TULP3: variants seen among roughly 807,000 people sequenced by gnomAD.
The protein encoded by TULP3 is TUB like protein 3.
Under a neutral mutation model 50.7 loss-of-function variants are expected in TULP3, and 38 were observed. That is an observed-to-expected ratio of 0.75 (90% CI 0.58 to 0.98). The LOEUF is 0.98. Ranked by LOEUF, TULP3 falls within the 50% of genes least tolerant of loss-of-function variation. TULP3 has a pLI of 0.00. For missense variants in TULP3, 550 were observed against 568.0 expected (o/e 0.97, Z 0.32); for synonymous variants, 183 against 196.6 (o/e 0.93, Z 0.58).
At chr12:2,917,689 A>G (rs1047646283) in intron 2 of TULP3, among the ~76,000 whole-genome samples, 12 of 151,956 alleles carry the variant, frequency 7.9e-5, no homozygotes, top group East Asian at 3.9e-4. Context: ...CATCCTGGCC[A>G]ACACGGTGAA....
chr12:2,932,205 T>C (rs907301283), intron 6 of TULP3, among the ~76,000 whole-genome samples: 12 of 152,130 alleles, frequency 7.9e-5, no homozygotes, highest in African/African-American at 2.9e-4. Context: ...CTTCTTGCCC[T>C]TTGCCTAATC....
At chr12:2,907,286 G>T (rs2098182846) in intron 1 of TULP3, among the ~76,000 whole-genome samples, 1 of 152,034 alleles carries the variant, frequency 6.6e-6, no homozygotes. Flanking sequence ...AGACCATCCT[G>T]TCTGACTGGT....
At chr12:2,892,082 T>TA (rs58111941) in intron 1 of TULP3, among the ~76,000 whole-genome samples, 70,852 of 149,320 alleles carry the variant, frequency 0.47, 17,051 homozygotes, top group African/African-American at 0.59. Context: ...CCTGTCACCT[T>TA]AAAAAAAAAA....
chr12:2,929,491 T>C lies in TULP3; in HGVS notation c.395-757T>C, dbSNP rs184715111. 1.1e-3 allele frequency among the ~76,000 whole-genome samples: 174 copies of C among 152,292 alleles called. 1 individual carries two copies. The highest frequency in any genetic ancestry group is 3.6e-3 in the African/African-American group (151 of 41,584). On this transcript the variant is annotated intron_variant, in intron 4 of 10. Coordinates refer to ENST00000448120, the MANE Select transcript of TULP3 (RefSeq NM_003324.5). Reference sequence around the variant, plus strand: ...CAGCTAATTTTTTTAAAAAAACTTTTTATGGAGACAGGTCTCAAACTGGTG... The same window carrying C: ...CAGCTAATTTTTTTAAAAAAACTTTCTATGGAGACAGGTCTCAAACTGGTG...
At chr12:2,906,592 G>A (rs567282117) in intron 1 of TULP3, among the ~76,000 whole-genome samples, 4 of 151,388 alleles carry the variant, frequency 2.6e-5, no homozygotes, top group Admixed American at 1.3e-4. Context: ...GCCTCCCAAA[G>A]TTCTGGGATT....
rs771074689 is a variant in TULP3 at position 2,937,200 on chromosome 12, A to ATTTTTTTTTTTT, written c.925-411_925-400dup. On this transcript the variant is annotated intron_variant, in intron 8 of 10. Transcript: ENST00000448120. ...AATAAAATTATTTTTGGTACACCTGATTTTTTTTTTTTTTTTTTTTTTTTT... is the reference window on the plus strand; with the variant it reads ...AATAAAATTATTTTTGGTACACCTGATTTTTTTTTTTTTTTTTTTTTTTTTTTTTTTTTTTTT... Among the ~76,000 whole-genome samples the ATTTTTTTTTTTT allele has an allele frequency of 9.2e-5, 5 of 54,466 alleles. 1 individual carries two copies. The highest frequency in any genetic ancestry group is 2.2e-4 in the African/African-American group (3 of 13,456). 35.7% of individuals were successfully genotyped at this position (54,466 alleles called of 152,430 possible).
chr12:2,933,321 C>G (rs889309870), intron 6 of TULP3, 97 bp from the exon 7 acceptor site: 3 of 732,632 alleles, frequency 4.1e-6, no homozygotes, highest in Non-Finnish European at 7.2e-6. Context: ...TGAGGACTTG[C>G]TAAGCACTGG....
chr12:2,938,808 A>T (rs1339120227), intron 10 of TULP3, among the ~76,000 whole-genome samples: 1 of 152,034 alleles, frequency 6.6e-6, no homozygotes, highest in East Asian at 1.9e-4. Context: ...CAGAGAAGTC[A>T]TAGAGTAGGT....
intron 4 of TULP3, among the ~76,000 whole-genome samples, chr12:2,926,126 G>A (rs1313932847): frequency 6.6e-6 from 1 of 152,174 alleles, no homozygotes; most frequent in Non-Finnish European, 1.5e-5. Context: ...GTATTAAAAT[G>A]GCATTTGAAA....
rs1342449410 is a variant in TULP3, at chr12:2,891,106, A to G, written c.41+118A>G. 55 of 1,235,254 alleles carry G rather than the reference A, an allele frequency of 4.5e-5. No individual in the cohort carries two copies. In the South Asian group the frequency reaches 8.4e-4, roughly 19 times the overall value. The allele number at this position is 1,235,254 out of a possible 1,614,324, so 76.5% of individuals were successfully genotyped here. A position where few individuals can be genotyped will look rare whatever the true frequency, so the allele number is the denominator to read the frequency against. Reference sequence around the variant, plus strand: ...GGCGGGACTCGGGACTTGGCGACTCAGGGAGGGACTGGTTTCGGCGGCGGG... The same window carrying G: ...GGCGGGACTCGGGACTTGGCGACTCGGGGAGGGACTGGTTTCGGCGGCGGG... On this transcript the variant is annotated intron_variant, in intron 1 of 10. Transcript: ENST00000448120.
Position 2,909,526 on chromosome 12 carries a change from CAG to C in TULP3, c.42-2_42-1del, listed in dbSNP as rs772439955. On this transcript the variant is annotated splice_acceptor_variant, in intron 1 of 10. Transcript: ENST00000448120. LOFTEE classifies it high-confidence loss of function. ...CTTGCTTTATTTTTTTTTTTTTTAACAGTGTCTTCCATGAAGAAATGATGAAG... is the reference window on the plus strand; with the variant it reads ...CTTGCTTTATTTTTTTTTTTTTTAACTGTCTTCCATGAAGAAATGATGAAG... 2 of 1,557,148 alleles carry C rather than the reference CAG, an allele frequency of 1.3e-6. No homozygotes were observed. The highest frequency in any genetic ancestry group is 1.7e-6 in the Non-Finnish European group (2 of 1,159,004).
rs71057864 is a variant in TULP3 at position 2,927,366 on chromosome 12, A to ATTTTTTTTT, written c.395-2872_395-2864dup. ...GGACCTATGTTTTCAGTTGAGACTG[A>ATTTTTTTTT]TTTTTTTTTTTTTTTTTTGAGACCA... is the stretch of plus-strand genomic sequence containing the variant. On this transcript the variant is annotated intron_variant, in intron 4 of 10. Coordinates refer to ENST00000448120, the MANE Select transcript of TULP3 (RefSeq NM_003324.5). Among the ~76,000 whole-genome samples, 144 of 105,154 alleles carry ATTTTTTTTT rather than the reference A, an allele frequency of 1.4e-3. 17 individuals are homozygous for ATTTTTTTTT. The highest frequency in any genetic ancestry group is 4.6e-3 in the African/African-American group (119 of 25,738). 69.0% of individuals were successfully genotyped at this position (105,154 alleles called of 152,430 possible).
chr12:2,928,540 A>T (rs909986233), intron 4 of TULP3, among the ~76,000 whole-genome samples: 5 of 151,512 alleles, frequency 3.3e-5, no homozygotes, highest in African/African-American at 9.7e-5. Context: ...CAAAAAAAAT[A>T]AATAAATAAA....
intron 1 of TULP3, among the ~76,000 whole-genome samples, chr12:2,893,327 GTTTT>G (rs36190881): frequency 1.6e-5 from 2 of 128,162 alleles, no homozygotes; most frequent in Admixed American, 1.6e-4. Context: ...TGTTTAATGT[GTTTT>G]TTTTTTTTTT....
intron 8 of TULP3, among the ~76,000 whole-genome samples, chr12:2,936,109 A>G (rs1262309722): frequency 6.6e-6 from 1 of 152,110 alleles, no homozygotes; most frequent in African/African-American, 2.4e-5. Context: ...TCTACTAAAA[A>G]TACAAAAAAA....
chr12:2,938,363 T>C, intron 10 of TULP3, 78 bp downstream of exon 10: 2 of 1,439,668 alleles, frequency 1.4e-6, no homozygotes, highest in Admixed American at 2.1e-5. Context: ...TCCCTGTACA[T>C]GATAGGAAGT....
chr12:2,941,101 T>C lies in TULP3; in HGVS notation c.*1657T>C, dbSNP rs1301488452. 2 of 181,172 alleles carry C rather than the reference T, an allele frequency of 1.1e-5. No homozygotes were observed. Among genetic ancestry groups the C allele is most frequent in the East Asian group, 3.0e-4 (2 of 6,696 alleles). 11.2% of individuals were successfully genotyped at this position (181,172 alleles called of 1,614,324 possible). ...TTTACATAAGTCCTATTTATACCTTTTATATGTTACAGAAATAAAAGTTAA... is the reference window on the plus strand; with the variant it reads ...TTTACATAAGTCCTATTTATACCTTCTATATGTTACAGAAATAAAAGTTAA... On this transcript the variant is annotated 3_prime_UTR_variant, in exon 11 of 11. Coordinates refer to ENST00000448120, the MANE Select transcript of TULP3 (RefSeq NM_003324.5).
At chr12:2,937,508 C>T in intron 8 of TULP3, 123 bp from the exon 9 acceptor site, 1 of 751,030 alleles carries the variant, frequency 1.3e-6, no homozygotes, top group Non-Finnish European at 2.3e-6. Flanking sequence ...TGATCCACTG[C>T]CCCGGCTGAT....
rs1394409628 is a variant in TULP3 at position 2,890,941 on chromosome 12, G to A, written c.-7G>A. On this transcript the variant is annotated 5_prime_UTR_variant, in exon 1 of 11. Transcript: ENST00000448120. Reference sequence around the variant, plus strand: ...TGTACGTGGTGGGGGCTTCCTCGGTGGCGGGCATGGAGGCTTCGCGCTGCC... The same window carrying A: ...TGTACGTGGTGGGGGCTTCCTCGGTAGCGGGCATGGAGGCTTCGCGCTGCC... 6.3e-7 allele frequency: 1 copy of A among 1,596,198 alleles called. No homozygotes were observed. Among genetic ancestry groups the A allele is most frequent in the Non-Finnish European group, 8.5e-7 (1 of 1,171,610 alleles).
Sources: gnomAD v4.1 joint callset for allele counts (sites outside exome capture counted in the v4.1 genomes callset) on GRCh38, gnomAD v4.1.1 for gene constraint, MANE v1.5 for transcripts, NCBI Gene and HGNC (gene_info 2026-07-23, HGNC 2026-07-21) for gene names.